Variants in CHN2 observed in about 807,000 individuals in gnomAD.
CHN2 encodes beta-chimaerin.
CHN2 carries 35 observed loss-of-function variants against 56.3 expected under a neutral mutation model. That is an observed-to-expected ratio of 0.62 (90% CI 0.47 to 0.82). The LOEUF is 0.82. Among genes scored for constraint, CHN2 ranks in the 40% least tolerant of loss-of-function variants. The pLI, the probability that CHN2 is intolerant of heterozygous loss-of-function variation, is 0.00. For synonymous variants in CHN2, 210 were observed against 212.8 expected (o/e 0.99, Z 0.12); for missense variants, 491 against 580.5 (o/e 0.85, Z 1.58).
chr7:29,454,577 G>A (rs1585447496), intron 6 of CHN2, among the ~76,000 whole-genome samples: 1 of 152,302 alleles, frequency 6.6e-6, no homozygotes, highest in South Asian at 2.1e-4. Flanking sequence ...CAGTGGCAAA[G>A]CATCAAACAT....
chr7:29,317,560 G>A (rs1025222894), intron 1 of CHN2, among the ~76,000 whole-genome samples: 4 of 152,134 alleles, frequency 2.6e-5, no homozygotes, highest in African/African-American at 7.2e-5. Context: ...CATGCATATC[G>A]AAGTTTCAGA....
At chr7:29,203,392 G>A (rs911470761) in intron 1 of CHN2, among the ~76,000 whole-genome samples, 5 of 148,648 alleles carry the variant, frequency 3.4e-5, no homozygotes, top group Non-Finnish European at 5.9e-5. Flanking sequence ...GCTTGAATCC[G>A]GGAGAAAGAG....
intron 6 of CHN2, among the ~76,000 whole-genome samples, chr7:29,477,831 TCCTCTTTGCACAC>T: frequency 6.6e-6 from 1 of 152,244 alleles, no homozygotes; most frequent in Non-Finnish European, 1.5e-5. Flanking sequence ...CACCATGCAG[TCCTCTTTGCACAC>T]CTTCTTCCAC....
At chr7:29,329,300 A>T (rs547325752) in intron 1 of CHN2, among the ~76,000 whole-genome samples, 1 of 135,810 alleles carries the variant, frequency 7.4e-6, no homozygotes, top group East Asian at 2.5e-4. Context: ...GCAAATTATG[A>T]GTGTTGACAG....
chr7:29,451,537 T>C (rs1184194204), intron 6 of CHN2, among the ~76,000 whole-genome samples: 2 of 152,000 alleles, frequency 1.3e-5, no homozygotes, highest in African/African-American at 2.4e-5. Context: ...TTCAACAATG[T>C]TTTTAAAATA....
In CHN2 at chr7:29,173,286, A is replaced by T. The variant is rs542061266; in HGVS notation, c.274+26326A>T. Among the ~76,000 whole-genome samples, 8 of 152,278 alleles carry T rather than the reference A, an allele frequency of 5.3e-5. No individual in the cohort carries two copies. The South Asian group carries it at 6.2e-4, about 12-fold the overall frequency. ...AAGCCCTGTAGCTGGCATTGCCCTG[A>T]ATGCATCTGCCAGGTGCTGGTAGCC... is the stretch of plus-strand genomic sequence containing the variant. On this transcript the variant is annotated intron_variant, in intron 2 of 6. Transcript: ENST00000439384.
intron 3 of CHN2, among the ~76,000 whole-genome samples, chr7:29,379,624 C>A (rs1800337760): frequency 6.6e-6 from 1 of 152,126 alleles, no homozygotes; most frequent in Admixed American, 6.5e-5. Flanking sequence ...AAAAGTCTTT[C>A]AACTTTTCTG....
intron 2 of CHN2, among the ~76,000 whole-genome samples, chr7:29,355,408 C>G (rs1282995961): frequency 6.6e-6 from 1 of 152,132 alleles, no homozygotes; most frequent in Non-Finnish European, 1.5e-5. Flanking sequence ...TAGCGAAGAA[C>G]CTGTTTGGTC....
intron 6 of CHN2, among the ~76,000 whole-genome samples, chr7:29,409,580 G>C (rs551763661): frequency 7.9e-5 from 12 of 152,346 alleles, no homozygotes; most frequent in African/African-American, 2.9e-4. Flanking sequence ...ATAGGAAGAA[G>C]TCTGGCCTCA....
chr7:29,212,649 A>G lies in CHN2; in HGVS notation c.49+17659A>G, dbSNP rs758520748. The G allele has an allele frequency of 2.7e-4, 389 of 1,432,716 alleles. 2 individuals are homozygous for G. The Middle Eastern group carries it at 3.7e-3, about 14-fold the overall frequency. 88.8% of individuals were successfully genotyped at this position (1,432,716 alleles called of 1,614,324 possible). On this transcript the variant is annotated intron_variant, in intron 1 of 12. Coordinates refer to ENST00000222792, the MANE Select transcript of CHN2 (RefSeq NM_004067.4). ...GTACTCAATGATAGATTTCAGAGAC[A>G]GAAATACCTTAGCCTCCAGCAGATG...
chr7:29,457,571 A>G (rs1450961789), intron 6 of CHN2, among the ~76,000 whole-genome samples: 1 of 152,084 alleles, frequency 6.6e-6, no homozygotes, highest in Non-Finnish European at 1.5e-5. Flanking sequence ...CTATAATTAT[A>G]CCCACATGGG....
intron 1 of CHN2, among the ~76,000 whole-genome samples, chr7:29,284,470 C>T (rs188540552): frequency 6.6e-6 from 1 of 152,246 alleles, no homozygotes; most frequent in Admixed American, 6.5e-5. Context: ...TTCTGCTGAC[C>T]CTGAAGAACC....
intron 1 of CHN2, among the ~76,000 whole-genome samples, chr7:29,347,007 T>A (rs995872515): frequency 5.3e-5 from 8 of 152,172 alleles, no homozygotes; most frequent in African/African-American, 1.9e-4. Flanking sequence ...CATGGCCATA[T>A]GTTTCCACAG....
intron 2 of CHN2, among the ~76,000 whole-genome samples, chr7:29,160,253 C>T (rs245906): frequency 0.59 from 89,531 of 151,986 alleles, 26,473 homozygotes; most frequent in East Asian, 0.76. Context: ...CAGATGTTCA[C>T]GGTGACAGAC....
chr7:29,201,931 A>T (rs1784196219), intron 1 of CHN2, among the ~76,000 whole-genome samples: 1 of 152,206 alleles, frequency 6.6e-6, no homozygotes, highest in Non-Finnish European at 1.5e-5. Context: ...CCCGAGGGAA[A>T]CTGTGGAATG....
chr7:29,505,139 C>CAT (rs200058334), intron 10 of CHN2, among the ~76,000 whole-genome samples: 1 of 152,124 alleles, frequency 6.6e-6, no homozygotes, highest in Non-Finnish European at 1.5e-5. Flanking sequence ...GATGGGAGGG[C>CAT]ACCCCCAGCA....
At chr7:29,304,503 C>T (rs975533532) in intron 1 of CHN2, among the ~76,000 whole-genome samples, 1 of 152,184 alleles carries the variant, frequency 6.6e-6, no homozygotes, top group African/African-American at 2.4e-5. Context: ...CTTTGGAACT[C>T]TAGCATTTCA....
intron 6 of CHN2, among the ~76,000 whole-genome samples, chr7:29,466,255 G>A (rs1785546330): frequency 6.6e-6 from 1 of 152,024 alleles, no homozygotes; most frequent in Admixed American, 6.6e-5. Context: ...AGGAAAGAAA[G>A]ATTGGTTACC....
chr7:29,333,808 T>C (rs1005370479), intron 1 of CHN2, among the ~76,000 whole-genome samples: 4 of 152,100 alleles, frequency 2.6e-5, no homozygotes, highest in African/African-American at 9.7e-5. Context: ...GTATCTTTCA[T>C]AGTGGTGAGT....
Sources: allele counts gnomAD v4.1 joint callset (sites outside exome capture counted in the v4.1 genomes callset), GRCh38; gene constraint gnomAD v4.1.1; transcripts MANE v1.5; gene names NCBI Gene and HGNC (gene_info 2026-07-23, HGNC 2026-07-21).